The following WNT3A variants were observed in gnomAD, a reference collection of about 807,000 sequenced individuals.
The protein encoded by WNT3A is protein Wnt-3a.
WNT3A carries 17 observed loss-of-function variants against 37.0 expected under a neutral mutation model. The observed-to-expected ratio is 0.46, with a 90% CI of 0.31 to 0.69. WNT3A has a LOEUF of 0.69. Among genes scored for constraint, WNT3A ranks in the 30% least tolerant of loss-of-function variants. The probability of loss-of-function intolerance (pLI) is 0.05; values close to 1 mark genes in which losing one functional copy is unlikely to be tolerated. For synonymous variants in WNT3A, 187 were observed against 211.0 expected, an observed-to-expected ratio of 0.89 and a Z score of 0.99; for missense variants, 411 against 510.2, an observed-to-expected ratio of 0.81 and a Z score of 1.87.
chr1:228,017,261 G>A (rs968778042), intron 1 of WNT3A, among the ~76,000 whole-genome samples: 12 of 152,156 alleles, frequency 7.9e-5, no homozygotes, highest in Non-Finnish European at 1.8e-4. Context: ...CCCAGCAGGT[G>A]GAGGCCAGGT....
At chr1:228,010,053 T>G (rs2030324423) in intron 1 of WNT3A, among the ~76,000 whole-genome samples, 2 of 152,202 alleles carry the variant, frequency 1.3e-5, no homozygotes, top group Non-Finnish European at 2.9e-5. Flanking sequence ...CTGCGTCCCA[T>G]GAGGCCACAG....
chr1:228,013,627 G>C (rs2030441547), intron 1 of WNT3A, among the ~76,000 whole-genome samples: 1 of 152,182 alleles, frequency 6.6e-6, no homozygotes, highest in Admixed American at 6.5e-5. Flanking sequence ...GGAGGGACCT[G>C]GGGGCCTTAA....
chr1:228,050,838 T>G lies in WNT3A; in HGVS notation c.496T>G (p.Ser166Ala). ...SEDIEFGGMV[S>A]REFADARENR... ...GGACATCGAGTTTGGTGGGATGGTG[T>G]CTCGGGAGTTCGCCGACGCCCGGGA... The change falls in exon 3 of 4, where the codon TCT becomes GCT. Residue 166 changes from serine (S) to alanine (A), a missense_variant. Coordinates refer to ENST00000284523, the MANE Select transcript of WNT3A (RefSeq NM_033131.4). This position sits in a 1 kb window ranked among gnomAD's most constrained non-coding sequence, Gnocchi z 5.0. The G allele has an allele frequency of 6.2e-7, 1 of 1,603,756 alleles. No individual in the cohort carries two copies. Among genetic ancestry groups the G allele is most frequent in the Non-Finnish European group, 8.5e-7 (1 of 1,173,776 alleles).
chr1:228,016,868 CAGAG>C (rs1160158695), intron 1 of WNT3A, among the ~76,000 whole-genome samples: 5 of 152,082 alleles, frequency 3.3e-5, no homozygotes, highest in Non-Finnish European at 7.4e-5. Flanking sequence ...TGCATGAACT[CAGAG>C]GGAGAACTCC....
intron 1 of WNT3A, among the ~76,000 whole-genome samples, chr1:228,010,217 C>T (rs759031896): frequency 6.6e-6 from 1 of 152,238 alleles, no homozygotes; most frequent in South Asian, 2.1e-4. Context: ...TCCCCAGGCA[C>T]ACCCGCACTC....
intron 2 of WNT3A, among the ~76,000 whole-genome samples, chr1:228,049,247 G>T (rs1017377219): frequency 6.6e-6 from 1 of 152,148 alleles, no homozygotes; most frequent in African/African-American, 2.4e-5. Flanking sequence ...AGAGGTGGGC[G>T]GTGTGTGGGG....
chr1:228,057,911 G>A (rs1375380648), intron 3 of WNT3A, among the ~76,000 whole-genome samples: 4 of 152,142 alleles, frequency 2.6e-5, no homozygotes, highest in Non-Finnish European at 4.4e-5. Context: ...CGCAATCTCC[G>A]CTCACTGCTG....
Position 228,061,003 on chromosome 1 carries a change from T to TG in WNT3A, c.*1539dup, listed in dbSNP as rs1287258838. On this transcript the variant is annotated 3_prime_UTR_variant, in exon 4 of 4. Coordinates refer to ENST00000284523, the MANE Select transcript of WNT3A (RefSeq NM_033131.4). ...CTGGAGCCAATGGCCCGGCCCCTCC[T>TG]GACTCATCCGCCTGGCCCGGGAATG... is the stretch of plus-strand genomic sequence containing the variant. 1 of 152,628 alleles carries TG rather than the reference T, an allele frequency of 6.6e-6. No homozygotes were observed. The highest frequency in any genetic ancestry group is 1.5e-5 in the Non-Finnish European group (1 of 68,120). 9.5% of individuals were successfully genotyped at this position (152,628 alleles called of 1,614,324 possible). A position where few individuals can be genotyped will look rare whatever the true frequency, so the allele number is the denominator to read the frequency against.
intron 1 of WNT3A, among the ~76,000 whole-genome samples, chr1:228,021,078 C>G (rs527802258): frequency 6.6e-6 from 1 of 152,172 alleles, no homozygotes; most frequent in African/African-American, 2.4e-5. Flanking sequence ...AAGTGCATGG[C>G]TCAATTCGTT....
intron 1 of WNT3A, among the ~76,000 whole-genome samples, chr1:228,015,665 G>C (rs2030506825): frequency 6.6e-6 from 1 of 152,132 alleles, no homozygotes; most frequent in African/African-American, 2.4e-5. Context: ...CATCCAGGAA[G>C]TGAGTAGGGA....
At chr1:228,040,139 G>T (rs939017894) in intron 2 of WNT3A, among the ~76,000 whole-genome samples, 2 of 152,210 alleles carry the variant, frequency 1.3e-5, no homozygotes, top group African/African-American at 4.8e-5. Context: ...CCAGCCATGG[G>T]AACACCCATT....
At chr1:228,053,036 A>T (rs2031591709) in intron 3 of WNT3A, among the ~76,000 whole-genome samples, 1 of 152,144 alleles carries the variant, frequency 6.6e-6, no homozygotes, top group African/African-American at 2.4e-5. Context: ...GGGCTTGCAG[A>T]AGAGGGTCTC....
intron 1 of WNT3A, among the ~76,000 whole-genome samples, chr1:228,012,436 TAA>T (rs2030400733): frequency 6.6e-6 from 1 of 152,200 alleles, no homozygotes; most frequent in African/African-American, 2.4e-5. Flanking sequence ...GATTTTGTAA[TAA>T]TGGAAATTTA....
chr1:228,047,352 C>T (rs1558293538), intron 2 of WNT3A, among the ~76,000 whole-genome samples: 1 of 152,176 alleles, frequency 6.6e-6, no homozygotes, highest in African/African-American at 2.4e-5. Flanking sequence ...AGGGGGATGC[C>T]AGTGCAAAGC....
chr1:228,013,179 C>A, intron 1 of WNT3A, among the ~76,000 whole-genome samples: 1 of 152,184 alleles, frequency 6.6e-6, no homozygotes, highest in Non-Finnish European at 1.5e-5. Flanking sequence ...TTGTGAGTAG[C>A]TGGGATTACA....
At chr1:228,053,291 A>G (rs182845690) in intron 3 of WNT3A, among the ~76,000 whole-genome samples, 1 of 152,360 alleles carries the variant, frequency 6.6e-6, no homozygotes, top group East Asian at 1.9e-4. Context: ...CAACATGGAA[A>G]AAAAATAACC....
chr1:228,010,762 C>T (rs1363372927), intron 1 of WNT3A, among the ~76,000 whole-genome samples: 1 of 152,266 alleles, frequency 6.6e-6, no homozygotes, highest in East Asian at 1.9e-4. Context: ...CACAGCCTCG[C>T]TCATGCTCCC....
In WNT3A at chr1:228,039,761, A is replaced by G. The variant is rs1360249531; in HGVS notation, c.314-10895A>G. ...GCCATGACCATTGTTGGAAGCCTCCAGTCCTAATTCCCTGATGGGCTTCCC... is the reference window on the plus strand; with the variant it reads ...GCCATGACCATTGTTGGAAGCCTCCGGTCCTAATTCCCTGATGGGCTTCCC... On this transcript the variant is annotated intron_variant, in intron 2 of 3. Transcript: ENST00000284523. The surrounding 1 kb of genome is among the most constrained non-coding windows in gnomAD (Gnocchi z 4.1). Among the ~76,000 whole-genome samples, 1 of 152,162 alleles carries G rather than the reference A, an allele frequency of 6.6e-6. No homozygotes were observed. Among genetic ancestry groups the G allele is most frequent in the African/African-American group, 2.4e-5 (1 of 41,442 alleles).
At chr1:228,055,219 T>TACACACACACAC (rs1553311030) in intron 3 of WNT3A, among the ~76,000 whole-genome samples, 7 of 98,480 alleles carry the variant, frequency 7.1e-5, no homozygotes, top group African/African-American at 2.8e-4. Context: ...TATATATATA[T>TACACACACACAC]ACACACACAC....
Sources: gnomAD v4.1 joint callset for allele counts (sites outside exome capture counted in the v4.1 genomes callset) on GRCh38, gnomAD v4.1.1 for gene constraint, Gnocchi (gnomAD v3.1) non-coding constraint, MANE v1.5 for transcripts, NCBI Gene and HGNC (gene_info 2026-07-23, HGNC 2026-07-21) for gene names.